The following KCNQ1 variants were observed in gnomAD, a reference collection of about 807,000 sequenced individuals.
KCNQ1 encodes the protein potassium voltage-gated channel subfamily KQT member 1.
KCNQ1 carries 49 observed loss-of-function variants against 72.4 expected under a neutral mutation model. The observed-to-expected ratio is 0.68, with a 90% CI of 0.54 to 0.86. The LOEUF is 0.86. KCNQ1 is among the 40% of genes least tolerant of loss of function. The pLI, the probability that KCNQ1 is intolerant of heterozygous loss-of-function variation, is 0.00. For missense variants in KCNQ1, 790 were observed against 945.1 expected (o/e 0.84, Z 2.15); for synonymous variants, 450 against 412.6 (o/e 1.09, Z -1.10).
intron 15 of KCNQ1, among the ~76,000 whole-genome samples, chr11:2,805,012 C>A (rs754231868): frequency 6.6e-6 from 1 of 152,160 alleles, no homozygotes; most frequent in African/African-American, 2.4e-5. Context: ...ATGAGGCCCC[C>A]GGGGTAAAAA....
At chr11:2,753,602 T>C (rs1220207422) in intron 11 of KCNQ1, among the ~76,000 whole-genome samples, 1 of 152,220 alleles carries the variant, frequency 6.6e-6, no homozygotes, top group Admixed American at 6.5e-5. Flanking sequence ...TCAGTGGCTT[T>C]TGGTATATTC....
At chr11:2,655,240 C>A in intron 10 of KCNQ1, 1 of 398,646 alleles carries the variant, frequency 2.5e-6, no homozygotes, top group East Asian at 3.6e-5. Flanking sequence ...GCTGCCTTTG[C>A]CATCCCAGAC....
intron 15 of KCNQ1, among the ~76,000 whole-genome samples, chr11:2,836,866 G>A (rs1227514758): frequency 6.6e-6 from 1 of 152,244 alleles, no homozygotes; most frequent in Non-Finnish European, 1.5e-5. Flanking sequence ...AGGGAAATGG[G>A]GCAGGTGAAA....
At chr11:2,805,821 G>T (rs1472589240) in intron 15 of KCNQ1, among the ~76,000 whole-genome samples, 3 of 152,186 alleles carry the variant, frequency 2.0e-5, no homozygotes, top group East Asian at 3.8e-4. Flanking sequence ...AAATCGCTCT[G>T]ATGACACGTA....
In KCNQ1 at chr11:2,543,618, C is replaced by T. The variant is rs1421421738; in HGVS notation, c.477+15600C>T. 6.6e-6 allele frequency among the ~76,000 whole-genome samples: 1 copy of T among 152,174 alleles called. No homozygotes were observed. The highest frequency in any genetic ancestry group is 1.5e-5 in the Non-Finnish European group (1 of 68,032). ...CCAAACATTTTCAATTTTATGAAGT[C>T]AAATATAGCTTTTTCCTTTTAAATA... On this transcript the variant is annotated intron_variant, in intron 2 of 15. Transcript: ENST00000155840. The surrounding 1 kb of genome is among the most constrained non-coding windows in gnomAD (Gnocchi z 5.6).
intron 11 of KCNQ1, among the ~76,000 whole-genome samples, chr11:2,756,981 A>AAAAAAAAAAAAAAAAAAAC (rs58902386): frequency 1.7e-5 from 2 of 115,220 alleles, no homozygotes; most frequent in African/African-American, 3.2e-5. Context: ...AAAAAAAAAA[A>AAAAAAAAAAAAAAAAAAAC]CCCACAGCTA....
rs1291695788 is a variant in KCNQ1, at chr11:2,723,729, C to T, written c.1515-45115C>T. ...GCTCCCGGAGAAGACCCTTGGCAGACAGCCTCTCCTCTACTAGCTAGTGGG... is the reference window on the plus strand; with the variant it reads ...GCTCCCGGAGAAGACCCTTGGCAGATAGCCTCTCCTCTACTAGCTAGTGGG... On this transcript the variant is annotated intron_variant, in intron 11 of 15. Coordinates refer to ENST00000155840, the MANE Select transcript of KCNQ1 (RefSeq NM_000218.3). This position sits in a 1 kb window ranked among gnomAD's most constrained non-coding sequence, Gnocchi z 4.2. Among the ~76,000 whole-genome samples, 4 of 152,210 alleles carry T rather than the reference C, an allele frequency of 2.6e-5. No homozygotes were observed. Among genetic ancestry groups the T allele is most frequent in the Non-Finnish European group, 5.9e-5 (4 of 68,036 alleles).
chr11:2,495,625 A>G lies in KCNQ1; in HGVS notation c.387-32303A>G, dbSNP rs1292036672. The stretch of plus-strand genomic sequence containing the variant: ...TAGTCATTCAGTAGCAGGTTGTTCA[A>G]TTTCCATGTATCTGTGTGGTTTTTA... On this transcript the variant is annotated intron_variant, in intron 1 of 15. Transcript: ENST00000155840. The surrounding 1 kb of genome is among the most constrained non-coding windows in gnomAD (Gnocchi z 4.6). 2.0e-5 allele frequency among the ~76,000 whole-genome samples: 3 copies of G among 152,056 alleles called. No homozygotes were observed. The highest frequency in any genetic ancestry group is 4.8e-5 in the African/African-American group (2 of 41,386).
chr11:2,666,786 C>G (rs1289070856), intron 11 of KCNQ1: 1 of 398,628 alleles, frequency 2.5e-6, no homozygotes, highest in Non-Finnish European at 4.4e-6. Context: ...CACCATATTT[C>G]TCTCCCTGTA....
At position 2,674,393 on chromosome 11, in the gene KCNQ1, GTGCGTGTGTGTGTGCGCGCC is replaced by G. The variant is rs1374218906; in HGVS notation, c.1514+12313_1514+12332del. 1 of 398,488 alleles carries G rather than the reference GTGCGTGTGTGTGTGCGCGCC, an allele frequency of 2.5e-6. No individual in the cohort carries two copies. The highest frequency in any genetic ancestry group is 2.1e-5 in the African/African-American group (1 of 48,610). 24.7% of individuals were successfully genotyped at this position (398,488 alleles called of 1,614,324 possible). A position where few individuals can be genotyped will look rare whatever the true frequency, so the allele number is the denominator to read the frequency against. The stretch of plus-strand genomic sequence containing the variant: ...CTTCCTGCTTAGGGAAGGTGCATGC[GTGCGTGTGTGTGTGCGCGCC>G]CGCGCGCACACGACCACAGAGGCTG... On this transcript the variant is annotated intron_variant, in intron 11 of 15. Transcript: ENST00000155840. This position sits in a 1 kb window ranked among gnomAD's most constrained non-coding sequence, Gnocchi z 5.9.
rs765409164 is a variant in KCNQ1 at position 2,601,046 on chromosome 11, G to A, written c.1393+12192G>A. 5.3e-5 allele frequency among the ~76,000 whole-genome samples: 8 copies of A among 151,372 alleles called. No individual in the cohort carries two copies. The highest frequency in any genetic ancestry group is 1.3e-4 in the Admixed American group (2 of 15,214). On this transcript the variant is annotated intron_variant, in intron 10 of 15. Coordinates refer to ENST00000155840, the MANE Select transcript of KCNQ1 (RefSeq NM_000218.3). This position sits in a 1 kb window ranked among gnomAD's most constrained non-coding sequence, Gnocchi z 5.2. The stretch of plus-strand genomic sequence containing the variant: ...GCCTTGCAACCAATAAACAATCGGG[G>A]GAGATTCTTTAAGGCCATGCATATA...
chr11:2,736,607 G>T (rs1369104850), intron 11 of KCNQ1, among the ~76,000 whole-genome samples: 1 of 152,150 alleles, frequency 6.6e-6, no homozygotes, highest in African/African-American at 2.4e-5. Flanking sequence ...CTTGCTTAGG[G>T]CCGTCCCTCC....
At chr11:2,504,964 G>A (rs987911644) in intron 1 of KCNQ1, among the ~76,000 whole-genome samples, 1 of 151,950 alleles carries the variant, frequency 6.6e-6, no homozygotes, top group Non-Finnish European at 1.5e-5. Flanking sequence ...CAATTTTTCT[G>A]TTAGTAACGC....
intron 1 of KCNQ1, among the ~76,000 whole-genome samples, chr11:2,467,243 C>T (rs1846365025): frequency 1.3e-5 from 2 of 152,152 alleles, no homozygotes; most frequent in South Asian, 4.1e-4. Context: ...CACAGGGCTC[C>T]ATGGGGTGGG....
intron 1 of KCNQ1, among the ~76,000 whole-genome samples, chr11:2,505,552 T>C (rs1230417092): frequency 2.0e-5 from 3 of 152,236 alleles, no homozygotes; most frequent in East Asian, 1.9e-4. Flanking sequence ...CTATTCATTA[T>C]AGAGAATGTG....
intron 10 of KCNQ1, chr11:2,640,274 A>G: frequency 5.0e-6 from 2 of 397,804 alleles, no homozygotes; most frequent in Non-Finnish European, 8.8e-6. Context: ...TTGGAAATGC[A>G]GAAATCACCC....
intron 1 of KCNQ1, among the ~76,000 whole-genome samples, chr11:2,448,295 G>C (rs1488440830): frequency 6.6e-6 from 1 of 152,220 alleles, no homozygotes; most frequent in Non-Finnish European, 1.5e-5. Flanking sequence ...ACCTAAGTCT[G>C]GCTCAGCAGC....
At position 2,720,841 on chromosome 11, in the gene KCNQ1, T is replaced by G. The variant is rs1851190031; in HGVS notation, c.1515-48003T>G. On this transcript the variant is annotated intron_variant, in intron 11 of 15. Transcript: ENST00000155840. The surrounding 1 kb of genome is among the most constrained non-coding windows in gnomAD (Gnocchi z 5.1). ...GTTTTCTTCATTATATGGTGTTGAG[T>G]TGGGGAACGGCCTTGCTGGGAGTTG... Among the ~76,000 whole-genome samples the G allele has an allele frequency of 6.6e-6, 1 of 151,976 alleles. No homozygotes were observed.
In KCNQ1 at chr11:2,528,030, C is replaced by T; in HGVS notation, c.477+12C>T. 6.2e-7 allele frequency: 1 copy of T among 1,603,978 alleles called. No homozygotes were observed. On this transcript the variant is annotated intron_variant, in intron 2 of 15. Transcript: ENST00000155840. ...CTCTCTTCTGGATGGTACGTAGCAT[C>T]TGAGGGCATGGCTGGATGTCATGGC... is the stretch of plus-strand genomic sequence containing the variant.
Sources: gnomAD v4.1 joint callset for allele counts (sites outside exome capture counted in the v4.1 genomes callset) on GRCh38, gnomAD v4.1.1 for gene constraint, Gnocchi (gnomAD v3.1) non-coding constraint, MANE v1.5 for transcripts, NCBI Gene and HGNC (gene_info 2026-07-23, HGNC 2026-07-21) for gene names.